The following CDK14 variants were observed in gnomAD, a reference collection of about 807,000 sequenced individuals.
CDK14 encodes cyclin-dependent kinase 14.
Under a neutral mutation model 60.7 loss-of-function variants are expected in CDK14, and 34 were observed. The ratio of observed to expected loss-of-function variants is 0.56; its 90% CI spans 0.43 to 0.75. CDK14 has a LOEUF of 0.75. Among genes scored for constraint, CDK14 ranks in the 30% least tolerant of loss-of-function variants. CDK14 has a pLI of 0.00. For missense variants in CDK14, 482 were observed against 564.1 expected (o/e 0.85, Z 1.47); for synonymous variants, 197 against 203.7 (o/e 0.97, Z 0.28).
chr7:90,602,236 GCTGCTGTAGCTTTGCAT>G (rs1399172326), intron 1 of CDK14, among the ~76,000 whole-genome samples: 1 of 152,190 alleles, frequency 6.6e-6, no homozygotes, highest in African/African-American at 2.4e-5. Flanking sequence ...TTGTAAGTTT[GCTGCTGTAGCTTTGCAT>G]CTTGCATGGC....
chr7:90,999,184 T>C (rs995583917), intron 10 of CDK14, among the ~76,000 whole-genome samples: 1 of 152,048 alleles, frequency 6.6e-6, no homozygotes, highest in Non-Finnish European at 1.5e-5. Flanking sequence ...ACTCGAAGTT[T>C]GGGGGAACAC....
At chr7:91,129,748 TG>T (rs1215586134) in intron 14 of CDK14, among the ~76,000 whole-genome samples, 3 of 152,188 alleles carry the variant, frequency 2.0e-5, no homozygotes, top group Non-Finnish European at 2.9e-5. Flanking sequence ...GAGAACTCTA[TG>T]GGTAGCTTTT....
chr7:90,703,070 A>G (rs1801823614), intron 2 of CDK14, among the ~76,000 whole-genome samples: 1 of 151,236 alleles, frequency 6.6e-6, no homozygotes, highest in Non-Finnish European at 1.5e-5. Flanking sequence ...AAGTTTTTGC[A>G]AATGAGACTT....
At chr7:91,063,955 A>G (rs1797889180) in intron 11 of CDK14, among the ~76,000 whole-genome samples, 1 of 152,112 alleles carries the variant, frequency 6.6e-6, no homozygotes, top group African/African-American at 2.4e-5. Flanking sequence ...TTCTTATTGA[A>G]CATTCCTAGT....
chr7:90,706,536 GACAA>G (rs1278306965), intron 2 of CDK14, among the ~76,000 whole-genome samples: 2 of 152,124 alleles, frequency 1.3e-5, no homozygotes, highest in East Asian at 1.9e-4. Context: ...GGGGAAGGAA[GACAA>G]ACAAAGTAAA....
At chr7:90,903,784 A>G (rs1477621815) in intron 7 of CDK14, among the ~76,000 whole-genome samples, 1 of 152,216 alleles carries the variant, frequency 6.6e-6, no homozygotes, top group East Asian at 1.9e-4. Flanking sequence ...CCATCATTAT[A>G]CATTGTATGA....
chr7:90,750,994 T>A (rs189181590), intron 4 of CDK14, among the ~76,000 whole-genome samples: 22 of 152,298 alleles, frequency 1.4e-4, no homozygotes, highest in Non-Finnish European at 2.5e-4. Flanking sequence ...AAATAATATT[T>A]TTTTAAATGA....
At chr7:90,663,134 G>A (rs536173299) in intron 2 of CDK14, among the ~76,000 whole-genome samples, 1 of 142,802 alleles carries the variant, frequency 7.0e-6, no homozygotes, top group Non-Finnish European at 1.5e-5. Flanking sequence ...ACACACACAC[G>A]TAGAGTTCTG....
At chr7:90,826,080 G>A (rs535976255) in intron 5 of CDK14, among the ~76,000 whole-genome samples, 1 of 152,320 alleles carries the variant, frequency 6.6e-6, no homozygotes, top group East Asian at 1.9e-4. Context: ...TATGTAGAAT[G>A]TCTATGAGTT....
intron 10 of CDK14, among the ~76,000 whole-genome samples, chr7:91,027,659 C>T (rs1796610235): frequency 6.6e-6 from 1 of 151,454 alleles, no homozygotes; most frequent in East Asian, 1.9e-4. Flanking sequence ...TTTTTTGTTG[C>T]TGTTGTTGTT....
chr7:90,767,241 T>C (rs890103228), intron 4 of CDK14, among the ~76,000 whole-genome samples: 5 of 152,052 alleles, frequency 3.3e-5, no homozygotes, highest in Admixed American at 6.5e-5. Flanking sequence ...CTAAACTCAC[T>C]GAGTCATGCA....
intron 2 of CDK14, among the ~76,000 whole-genome samples, chr7:90,609,412 G>A (rs1263671843): frequency 6.6e-6 from 1 of 152,150 alleles, no homozygotes. Context: ...AGGGGGGCCT[G>A]GTGGGAGGTG....
intron 9 of CDK14, among the ~76,000 whole-genome samples, chr7:90,982,164 G>A (rs10487999): frequency 0.15 from 22,239 of 152,182 alleles, 1,850 homozygotes; most frequent in Middle Eastern, 0.27. Context: ...AAAGAATGTC[G>A]AGCATGGTAG....
intron 2 of CDK14, among the ~76,000 whole-genome samples, chr7:90,718,892 C>G (rs1802345083): frequency 6.6e-6 from 1 of 152,060 alleles, no homozygotes; most frequent in Non-Finnish European, 1.5e-5. Flanking sequence ...TCTCTTCTAC[C>G]CAAAACTCTT....
At chr7:90,916,797 C>T (rs1416220021) in intron 7 of CDK14, among the ~76,000 whole-genome samples, 2 of 152,084 alleles carry the variant, frequency 1.3e-5, no homozygotes, top group Admixed American at 1.3e-4. Context: ...ATTGGGAAGC[C>T]TAGTGAATCA....
chr7:91,027,845 TCCCCTCTCCCCTCCCCTCCCCTCCC>T (rs1796634271), intron 10 of CDK14, among the ~76,000 whole-genome samples: 1 of 2,404 alleles, frequency 4.2e-4, no homozygotes. Flanking sequence ...TCCCCTCCCC[TCCCCTCTCCCCTCCCCTCCCCTCCC>T]CTCCCCTCCC....
intron 9 of CDK14, chr7:90,979,768 T>C (rs190487429): frequency 6.6e-6 from 1 of 152,318 alleles, no homozygotes; most frequent in Non-Finnish European, 1.5e-5. Context: ...ATAAGAAGAC[T>C]TAATTGAAGA....
chr7:90,637,697 T>C (rs538657891), intron 2 of CDK14, among the ~76,000 whole-genome samples: 1,938 of 147,464 alleles, frequency 0.013, 64 homozygotes, highest in African/African-American at 0.045. Flanking sequence ...CCTTGTTAAC[T>C]TTCTGTCTCG....
intron 10 of CDK14, among the ~76,000 whole-genome samples, chr7:91,001,077 TA>T (rs1436836002): frequency 1.3e-5 from 2 of 152,214 alleles, no homozygotes; most frequent in Non-Finnish European, 2.9e-5. Flanking sequence ...CTCTTAAAAT[TA>T]ATCTTTACCT....
Sources: allele counts gnomAD v4.1 joint callset (sites outside exome capture counted in the v4.1 genomes callset), GRCh38; gene constraint gnomAD v4.1.1; transcripts MANE v1.5; gene names NCBI Gene and HGNC (gene_info 2026-07-23, HGNC 2026-07-21).